The following PIWIL4 variants were observed in gnomAD, a reference collection of about 807,000 sequenced individuals.
PIWIL4 encodes the protein piwi-like protein 4.
In PIWIL4, 50 loss-of-function variants were observed where a neutral mutation model predicts 100.9. That is an observed-to-expected ratio of 0.50 (90% CI 0.39 to 0.63). The LOEUF (loss-of-function observed/expected upper bound fraction) is 0.63. Among genes scored for constraint, PIWIL4 ranks in the 20% least tolerant of loss-of-function variants. The pLI is 0.00. For missense variants in PIWIL4, 887 were observed against 1,043.3 expected, an observed-to-expected ratio of 0.85 and a Z score of 2.06; for synonymous variants, 342 against 367.5, an observed-to-expected ratio of 0.93 and a Z score of 0.79.
At chr11:94,579,406 A>G (rs1476671333) in intron 4 of PIWIL4, among the ~76,000 whole-genome samples, 1 of 150,638 alleles carries the variant, frequency 6.6e-6, no homozygotes, top group East Asian at 2.0e-4. Flanking sequence ...ACAATGTTAC[A>G]ATTACTACAA....
intron 3 of PIWIL4, among the ~76,000 whole-genome samples, chr11:94,575,744 T>A (rs528430857): frequency 6.6e-6 from 1 of 152,298 alleles, no homozygotes; most frequent in Non-Finnish European, 1.5e-5. Context: ...CTTTCTGTTT[T>A]ATTCTGGACT....
Position 94,616,528 on chromosome 11 carries a change from C to T in PIWIL4, c.1979C>T (p.Thr660Ile). ...CGCTGTATCCTTCAGAGAACAATGA[C>T]TGATGTTGCAGATTGCTTGAAAGTT... The part of the protein sequence containing the change: ...FSRCILQRTM[T>I]DVADCLKVFM... Residue 660 changes from threonine (T) to isoleucine (I), a missense_variant, in exon 16 of 20, where the codon ACT (threonine) becomes ATT (isoleucine). Around this residue, in one of 2 missense-constraint regions of PIWIL4, gnomAD observed 741 missense variants for 930.0 expected, o/e 0.80. Transcript: ENST00000299001. 2.5e-6 allele frequency: 4 copies of T among 1,606,826 alleles called. No individual in the cohort carries two copies. Among genetic ancestry groups the T allele is most frequent in the Non-Finnish European group, 1.7e-6 (2 of 1,177,926 alleles).
At position 94,620,049 on chromosome 11, in the gene PIWIL4, A is replaced by G. The variant is rs747886132; in HGVS notation, c.2347A>G (p.Thr783Ala). 8 of 1,614,010 alleles carry G rather than the reference A, an allele frequency of 5.0e-6. No individual in the cohort carries two copies. The highest frequency in any genetic ancestry group is 2.2e-5 in the South Asian group (2 of 91,078). The change falls in exon 19 of 20, where the codon ACC (threonine) becomes GCC (alanine). Residue 783 changes from threonine (T) to alanine (A), a missense_variant. By Grantham distance (58) the Thr-to-Ala change is moderately conservative. Transcript: ENST00000299001. The stretch of plus-strand genomic sequence containing the variant: ...GGCCTGCCGGGGAACTGTTAGTCCT[A>G]CCTACTATAATGTCATCTATGATGA... Reference protein sequence around the residue: ...QVACRGTVSPTYYNVIYDDNG... With the variant: ...QVACRGTVSPAYYNVIYDDNG...
At chr11:94,606,534 A>G (rs1459506943) in intron 13 of PIWIL4, among the ~76,000 whole-genome samples, 1 of 152,198 alleles carries the variant, frequency 6.6e-6, no homozygotes, top group Non-Finnish European at 1.5e-5. Flanking sequence ...AGCATCTGAT[A>G]AGAAGTAGGA....
intron 5 of PIWIL4, among the ~76,000 whole-genome samples, chr11:94,583,786 C>T (rs1948359588): frequency 6.6e-6 from 1 of 152,192 alleles, no homozygotes; most frequent in Non-Finnish European, 1.5e-5. Context: ...CAGTATTGTC[C>T]TAAGTTGAGA....
At chr11:94,572,260 T>C (rs1163730360) in intron 2 of PIWIL4, among the ~76,000 whole-genome samples, 1 of 152,256 alleles carries the variant, frequency 6.6e-6, no homozygotes, top group Non-Finnish European at 1.5e-5. Flanking sequence ...CTGATGGTAG[T>C]TTCTTTTGCT....
At chr11:94,600,513 T>C (rs183815214) in intron 11 of PIWIL4, among the ~76,000 whole-genome samples, 44 of 152,256 alleles carry the variant, frequency 2.9e-4, no homozygotes, top group African/African-American at 1.0e-3. Context: ...TCACGTACTT[T>C]ACAAGGTAAT....
chr11:94,588,875 T>A (rs1201631491), intron 7 of PIWIL4, among the ~76,000 whole-genome samples: 2 of 152,236 alleles, frequency 1.3e-5, no homozygotes, highest in East Asian at 3.8e-4. Context: ...TAGACTGTGG[T>A]CTAAGGACTT....
chr11:94,619,653 TTTTTCAA>T, intron 17 of PIWIL4, 100 bp from the exon 18 acceptor site: 2 of 1,284,104 alleles, frequency 1.6e-6, no homozygotes, highest in Non-Finnish European at 2.1e-6. Flanking sequence ...TTTTGCAGTG[TTTTTCAA>T]ATGGAATTTT....
Position 94,577,331 on chromosome 11 carries a change from C to G in PIWIL4, c.352C>G (p.Pro118Ala), listed in dbSNP as rs1457783060. 6.2e-7 allele frequency: 1 copy of G among 1,614,054 alleles called. No individual in the cohort carries two copies. ...LVTNLFNLDF[P>A]QDWQLYQYHV... is the part of the protein sequence containing the mutation. ...TACAAACCTCTTTAACTTAGATTTT[C>G]CCCAAGACTGGCAGCTATACCAGTA... The change falls in exon 4 of 20, where the codon CCC becomes GCC. Residue 118 changes from proline (P) to alanine (A), a missense_variant. By Grantham distance (27) the Pro-to-Ala change is conservative. Around this residue, in one of 2 missense-constraint regions of PIWIL4, gnomAD observed 741 missense variants for 930.0 expected, o/e 0.80. Coordinates refer to ENST00000299001, the MANE Select transcript of PIWIL4 (RefSeq NM_152431.3).
chr11:94,589,214 T>C lies in PIWIL4; in HGVS notation c.1008T>C (p.Tyr336=). 6.2e-7 allele frequency: 1 copy of C among 1,604,276 alleles called. No homozygotes were observed. Among genetic ancestry groups the C allele is most frequent in the Non-Finnish European group, 8.5e-7 (1 of 1,170,972 alleles). Residue 336 remains tyrosine (Y), a synonymous_variant, in exon 8 of 20, where the codon TAT becomes TAC. Coordinates refer to ENST00000299001, the MANE Select transcript of PIWIL4 (RefSeq NM_152431.3). ...AGCGGGATGGCACCGAGATCACCTA[T>C]GTGGATTACTACAAGCAGGTAGGAC... ...FQKRDGTEIT[Y]VDYYKQQYDI...
intron 1 of PIWIL4, chr11:94,567,822 A>C: frequency 8.6e-7 from 1 of 1,157,728 alleles, no homozygotes; most frequent in Non-Finnish European, 1.1e-6. Context: ...TTAGCCAGTA[A>C]AGAGGACTGA....
intron 15 of PIWIL4, among the ~76,000 whole-genome samples, chr11:94,616,074 C>A (rs553714566): frequency 1.6e-4 from 24 of 152,238 alleles, no homozygotes; most frequent in South Asian, 6.2e-4. Flanking sequence ...TAATAGTGGC[C>A]TCTATTACTC....
chr11:94,594,797 G>T (rs111612521), intron 9 of PIWIL4, among the ~76,000 whole-genome samples: 3 of 152,116 alleles, frequency 2.0e-5, no homozygotes, highest in Non-Finnish European at 4.4e-5. Context: ...CTCCCAAAGC[G>T]CTGGGATTAC....
At chr11:94,588,716 G>A (rs948752641) in intron 7 of PIWIL4, among the ~76,000 whole-genome samples, 1 of 152,156 alleles carries the variant, frequency 6.6e-6, no homozygotes, top group African/African-American at 2.4e-5. Context: ...GCCTTCTTTT[G>A]GTGCTTTTTT....
intron 11 of PIWIL4, among the ~76,000 whole-genome samples, chr11:94,600,098 T>C (rs1948612842): frequency 6.6e-6 from 1 of 152,160 alleles, no homozygotes; most frequent in African/African-American, 2.4e-5. Context: ...AGTCTGAGGA[T>C]ATAAGCAGAG....
At chr11:94,616,290 C>T (rs1337966375) in intron 15 of PIWIL4, among the ~76,000 whole-genome samples, 1 of 152,088 alleles carries the variant, frequency 6.6e-6, no homozygotes. Flanking sequence ...ATGGCTGATG[C>T]CAACACTATG....
intron 4 of PIWIL4, among the ~76,000 whole-genome samples, chr11:94,581,655 G>C (rs1216057954): frequency 6.6e-6 from 1 of 152,224 alleles, no homozygotes; most frequent in Non-Finnish European, 1.5e-5. Context: ...GGTGGGAAGA[G>C]TAGTAAAGTG....
At chr11:94,594,824 G>T (rs668895) in intron 9 of PIWIL4, among the ~76,000 whole-genome samples, 1 of 152,030 alleles carries the variant, frequency 6.6e-6, no homozygotes, top group African/African-American at 2.4e-5. Flanking sequence ...GAGCCACAGC[G>T]CCCGGCCTAA....
Sources: allele counts gnomAD v4.1 joint callset (sites outside exome capture counted in the v4.1 genomes callset), GRCh38; gene constraint gnomAD v4.1.1; regional missense constraint gnomAD v4.1.1; transcripts MANE v1.5; gene names NCBI Gene and HGNC (gene_info 2026-07-23, HGNC 2026-07-21).